The following PKHD1 variants were observed in gnomAD, a reference collection of about 807,000 sequenced individuals.
PKHD1 encodes the protein PKHD1 ciliary IPT domain containing fibrocystin/polyductin, also known as fibrocystin.
Under a neutral mutation model 412.0 loss-of-function variants are expected in PKHD1, and 291 were observed. The ratio of observed to expected loss-of-function variants is 0.71; its 90% CI spans 0.64 to 0.78. PKHD1 has a LOEUF of 0.78. PKHD1 is among the 30% of genes least tolerant of loss of function. The pLI, the probability that PKHD1 is intolerant of heterozygous loss-of-function variation, is 0.00. For synonymous variants in PKHD1, 1,777 were observed against 1,821.5 expected, an observed-to-expected ratio of 0.98 and a Z score of 0.62; for missense variants, 4,825 against 4,950.7, an observed-to-expected ratio of 0.97 and a Z score of 0.76.
chr6:51,687,714 C>T (rs1777620237), intron 60 of PKHD1, among the ~76,000 whole-genome samples: 1 of 152,180 alleles, frequency 6.6e-6, no homozygotes, highest in Non-Finnish European at 1.5e-5. Flanking sequence ...GGTCTCTTGA[C>T]ATCTGTGTCT....
chr6:51,797,503 T>C (rs1794796392), intron 52 of PKHD1, among the ~76,000 whole-genome samples: 1 of 152,198 alleles, frequency 6.6e-6, no homozygotes, highest in Non-Finnish European at 1.5e-5. Flanking sequence ...TGCATATATA[T>C]TTAGGATAGT....
At chr6:51,649,577 T>C (rs963266260) in intron 61 of PKHD1, among the ~76,000 whole-genome samples, 4 of 152,204 alleles carry the variant, frequency 2.6e-5, no homozygotes, top group African/African-American at 9.6e-5. Flanking sequence ...TGACAGGACA[T>C]GGACACGTCC....
chr6:52,048,854 G>A (rs952159027), intron 22 of PKHD1, among the ~76,000 whole-genome samples: 4 of 152,148 alleles, frequency 2.6e-5, no homozygotes, highest in Non-Finnish European at 5.9e-5. Flanking sequence ...AGAGCCTACC[G>A]ATATGGTGGG....
chr6:51,776,006 G>C, intron 53 of PKHD1, 85 bp from the exon 54 acceptor site: 1 of 732,334 alleles, frequency 1.4e-6, no homozygotes, highest in East Asian at 2.6e-5. Flanking sequence ...TTTCAATAAT[G>C]CAATGTAGAT....
At chr6:51,770,942 G>A (rs1789992955) in intron 55 of PKHD1, among the ~76,000 whole-genome samples, 1 of 151,940 alleles carries the variant, frequency 6.6e-6, no homozygotes, top group African/African-American at 2.4e-5. Flanking sequence ...CAATAATGTG[G>A]GTGGGCCTCA....
intron 15 of PKHD1, among the ~76,000 whole-genome samples, 170 bp from the exon 16 acceptor site, chr6:52,058,771 C>CCCTATCTATCTA (rs1491323277): frequency 1.9e-3 from 278 of 149,302 alleles, no homozygotes; most frequent in Non-Finnish European, 2.9e-3. Flanking sequence ...TTCTCCAGCT[C>CCCTATCTATCTA]TCTATCTATC....
At chr6:52,051,997 T>G (rs974129731) in intron 21 of PKHD1, among the ~76,000 whole-genome samples, 3 of 152,180 alleles carry the variant, frequency 2.0e-5, no homozygotes, top group Admixed American at 6.5e-5. Context: ...GGGATTTTGA[T>G]GAGAATCAAA....
intron 52 of PKHD1, among the ~76,000 whole-genome samples, chr6:51,802,090 G>A (rs1763014955): frequency 6.6e-6 from 1 of 152,014 alleles, no homozygotes; most frequent in Admixed American, 6.6e-5. Context: ...CTCATCCCAG[G>A]CTTTATTATT....
Position 51,830,714 on chromosome 6 carries a change from A to T in PKHD1, c.8302+147T>A, listed in dbSNP as rs1582923133. ...TCTATGAAATTGTTCTCCTACATTA[A>T]CCCCCCCAAAAAGAGGAAGAATGAA... On this transcript the variant is annotated intron_variant, in intron 52 of 66. Transcript: ENST00000371117. 9.6e-6 allele frequency: 7 copies of T among 731,582 alleles called. No homozygotes were observed. The South Asian group carries it at 1.2e-4, about 12-fold the overall frequency. The allele number at this position is 731,582 out of a possible 1,614,324, so 45.3% of individuals were successfully genotyped here. A position where few individuals can be genotyped will look rare whatever the true frequency, so the allele number is the denominator to read the frequency against.
intron 60 of PKHD1, among the ~76,000 whole-genome samples, chr6:51,673,840 C>G (rs1263541952): frequency 6.6e-6 from 1 of 152,086 alleles, no homozygotes; most frequent in Non-Finnish European, 1.5e-5. Flanking sequence ...TGGCTAGGTT[C>G]CAGTTGAGGT....
At chr6:51,704,639 G>A (rs2150724979) in intron 60 of PKHD1, among the ~76,000 whole-genome samples, 1 of 152,210 alleles carries the variant, frequency 6.6e-6, no homozygotes, top group Middle Eastern at 3.4e-3. Flanking sequence ...ATGGAACCGA[G>A]GGAGGTGCAG....
At chr6:52,077,459 C>A (rs546694309) in intron 5 of PKHD1, among the ~76,000 whole-genome samples, 4 of 152,324 alleles carry the variant, frequency 2.6e-5, no homozygotes, top group Admixed American at 2.0e-4. Context: ...TCCACACAAC[C>A]TACAGTGCTT....
Position 52,020,651 on chromosome 6 carries a change from T to C in PKHD1, c.5380+2150A>G, listed in dbSNP as rs535972248. Among the ~76,000 whole-genome samples, 5 of 152,284 alleles carry C rather than the reference T, an allele frequency of 3.3e-5. No individual in the cohort carries two copies. In the East Asian group the frequency reaches 7.7e-4, roughly 24 times the overall value. ...CTCCACTTTCCAAAGAACCACCCGC[T>C]GATTAAGGTTGAAAAAATTAGAGTA... On this transcript the variant is annotated intron_variant, in intron 33 of 66. Transcript: ENST00000371117.
chr6:51,681,872 G>C (rs1275509390), intron 60 of PKHD1, among the ~76,000 whole-genome samples: 1 of 152,052 alleles, frequency 6.6e-6, no homozygotes, highest in East Asian at 1.9e-4. Context: ...AAACTGTATG[G>C]CCTACAAAGT....
rs376080325 is a variant in PKHD1 at position 51,836,851 on chromosome 6, A to G, written c.8108-382T>C. Among the ~76,000 whole-genome samples, 6 of 152,314 alleles carry G rather than the reference A, an allele frequency of 3.9e-5. No individual in the cohort carries two copies. In the East Asian group the frequency reaches 9.6e-4, roughly 24 times the overall value. ...TTTAGAATTCATGTGTTTTTCACCA[A>G]TAGAGTTCAGATCATCCATGAAATG... On this transcript the variant is annotated intron_variant, in intron 50 of 66. Transcript: ENST00000371117.
At chr6:51,740,737 A>G (rs879662556) in intron 60 of PKHD1, among the ~76,000 whole-genome samples, 1 of 152,218 alleles carries the variant, frequency 6.6e-6, no homozygotes, top group South Asian at 2.1e-4. Flanking sequence ...ATTAAGGAAG[A>G]AGGGATTTAC....
At chr6:51,714,637 C>T (rs1781041264) in intron 60 of PKHD1, among the ~76,000 whole-genome samples, 1 of 152,158 alleles carries the variant, frequency 6.6e-6, no homozygotes, top group Non-Finnish European at 1.5e-5. Context: ...TCTCATTAGT[C>T]CTATTTCACA....
At position 52,059,976 on chromosome 6, in the gene PKHD1, A is replaced by T; in HGVS notation, c.1185T>A (p.Asp395Glu). The T allele has an allele frequency of 6.2e-7, 1 of 1,609,980 alleles. No homozygotes were observed. The change falls in exon 15 of 67, where the codon GAT (aspartate) becomes GAA (glutamate). Residue 395 changes from aspartate (D) to glutamate (E), a missense_variant. Physicochemically the swap from Asp to Glu is conservative, Grantham distance 45. Transcript: ENST00000371117. ...AACTGAAATGCAAGGAAGCTTGGCT[A>T]TCTGCCTGAATCCAGAAAGTGTAAT... ...TNNYTFWIQA[D>E]SQASLHFSWS...
chr6:52,038,251 T>C (rs1390298893), intron 27 of PKHD1, among the ~76,000 whole-genome samples: 1 of 151,968 alleles, frequency 6.6e-6, no homozygotes, highest in African/African-American at 2.4e-5. Context: ...CATGGTGGCT[T>C]GTACCTGTAG....
Sources: gnomAD v4.1 joint callset for allele counts (sites outside exome capture counted in the v4.1 genomes callset) on GRCh38, gnomAD v4.1.1 for gene constraint, MANE v1.5 for transcripts, NCBI Gene and HGNC (gene_info 2026-07-23, HGNC 2026-07-21) for gene names.